The following WDR48 variants were observed in gnomAD, a reference collection of about 807,000 sequenced individuals.
WDR48 encodes the protein WD repeat-containing protein 48.
WDR48 carries 22 observed loss-of-function variants against 94.0 expected under a neutral mutation model. The ratio of observed to expected loss-of-function variants is 0.23; its 90% CI spans 0.17 to 0.33. The LOEUF (loss-of-function observed/expected upper bound fraction) is 0.33. Among genes scored for constraint, WDR48 ranks in the 10% least tolerant of loss-of-function variants. The pLI is 1.00. For synonymous variants in WDR48, 278 were observed against 280.5 expected (o/e 0.99, Z 0.09); for missense variants, 541 against 813.8 (o/e 0.66, Z 4.08).
chr3:39,064,481 G>T (rs1288993546), intron 2 of WDR48, among the ~76,000 whole-genome samples: 2 of 152,054 alleles, frequency 1.3e-5, no homozygotes, highest in African/African-American at 2.4e-5. Context: ...CACCATGTGG[G>T]TCAGGCTGGT....
chr3:39,081,109 A>G (rs2034512753), intron 11 of WDR48, among the ~76,000 whole-genome samples: 2 of 152,222 alleles, frequency 1.3e-5, no homozygotes, highest in Admixed American at 1.3e-4. Flanking sequence ...ATGATTGGAG[A>G]TCTAAAGGAA....
chr3:39,073,578 C>T (rs1450148256), intron 7 of WDR48, among the ~76,000 whole-genome samples: 3 of 152,126 alleles, frequency 2.0e-5, no homozygotes, highest in Non-Finnish European at 4.4e-5. Context: ...CATTCTTTTT[C>T]CTAAGGAAAT....
At chr3:39,059,062 G>GCA in intron 1 of WDR48, among the ~76,000 whole-genome samples, 1 of 132,332 alleles carries the variant, frequency 7.6e-6, no homozygotes, top group African/African-American at 3.0e-5. Context: ...GCGATACAGT[G>GCA]AGACTCCGTC....
At chr3:39,065,111 C>G (rs186513289) in intron 2 of WDR48, among the ~76,000 whole-genome samples, 1 of 152,254 alleles carries the variant, frequency 6.6e-6, no homozygotes, top group East Asian at 1.9e-4. Context: ...CTCAAACTTG[C>G]CTGTTTTAGG....
rs922676505 is a variant in WDR48, at chr3:39,073,301, G to C, written c.673-1425G>C. Among the ~76,000 whole-genome samples, 61 of 152,122 alleles carry C rather than the reference G, an allele frequency of 4.0e-4. 1 individual carries two copies. Among genetic ancestry groups the C allele is most frequent in the Admixed American group, 3.7e-3 (56 of 15,276 alleles). On this transcript the variant is annotated intron_variant, in intron 7 of 18. Transcript: ENST00000302313. ...TATTGGTTAGTTTCTTGGTTCCCTT[G>C]TAAACTAGCTGGAATAGGTTATTAA...
chr3:39,082,527 G>T (rs953780470), intron 11 of WDR48, among the ~76,000 whole-genome samples: 2 of 152,042 alleles, frequency 1.3e-5, no homozygotes, highest in African/African-American at 4.8e-5. Flanking sequence ...TGATCTGCCC[G>T]TCTTGGCCTC....
In WDR48 at chr3:39,088,294, C is replaced by T. The variant is rs72859557; in HGVS notation, c.1580+61C>T. On this transcript the variant is annotated intron_variant, in intron 15 of 18. Coordinates refer to ENST00000302313, the MANE Select transcript of WDR48 (RefSeq NM_020839.4). ...AGGTATCCCATTTGCTAAGAAGTGT[C>T]GACTCAAACTCAGTATTTCGATATT... 5,749 of 1,485,608 alleles carry T rather than the reference C, an allele frequency of 3.9e-3. 166 individuals carry two copies. The African/African-American group carries it at 0.069, about 18-fold the overall frequency. 92.0% of individuals were successfully genotyped at this position (1,485,608 alleles called of 1,614,324 possible). A position where few individuals can be genotyped will look rare whatever the true frequency, so the allele number is the denominator to read the frequency against.
At chr3:39,053,174 G>T (rs941399751) in intron 1 of WDR48, among the ~76,000 whole-genome samples, 1 of 152,208 alleles carries the variant, frequency 6.6e-6, no homozygotes, top group Admixed American at 6.5e-5. Context: ...ACTTAGGGTG[G>T]CCCCCAAAGG....
At position 39,095,034 on chromosome 3, in the gene WDR48, G is replaced by C. The variant is rs1041395067; in HGVS notation, c.*291G>C. 1.4e-5 allele frequency: 6 copies of C among 416,228 alleles called. No homozygotes were observed. The highest frequency in any genetic ancestry group is 4.1e-5 in the Admixed American group (1 of 24,444). The allele number at this position is 416,228 out of a possible 1,614,324, so 25.8% of individuals were successfully genotyped here. On this transcript the variant is annotated 3_prime_UTR_variant, in exon 19 of 19. Coordinates refer to ENST00000302313, the MANE Select transcript of WDR48 (RefSeq NM_020839.4). ...CTGACAACAGGCCAGTGCAGACTTT[G>C]CTTCCTCCTTTTGTTTCAAAGGACC...
intron 11 of WDR48, among the ~76,000 whole-genome samples, chr3:39,080,692 A>G (rs1435053840): frequency 6.6e-6 from 1 of 152,224 alleles, no homozygotes; most frequent in African/African-American, 2.4e-5. Context: ...AGATTTCAGG[A>G]TAGCTTATGG....
chr3:39,063,437 C>A (rs1034512590), intron 2 of WDR48, among the ~76,000 whole-genome samples: 1 of 152,112 alleles, frequency 6.6e-6, no homozygotes, highest in African/African-American at 2.4e-5. Context: ...AGTTCTTTGC[C>A]ACAAAGGAAC....
intron 7 of WDR48, 62 bp from the exon 8 acceptor site, chr3:39,074,664 G>A: frequency 6.6e-7 from 1 of 1,523,750 alleles, no homozygotes; most frequent in East Asian, 2.3e-5. Flanking sequence ...GAAGTCAAGT[G>A]CAAAGCACAA....
intron 1 of WDR48, among the ~76,000 whole-genome samples, chr3:39,062,526 C>T (rs2033330035): frequency 6.6e-6 from 1 of 152,126 alleles, no homozygotes; most frequent in South Asian, 2.1e-4. Context: ...TAAATGGAAA[C>T]CTGAAGGCTG....
chr3:39,065,764 A>T, intron 2 of WDR48, 47 bp from the exon 3 acceptor site: 2 of 1,217,308 alleles, frequency 1.6e-6, no homozygotes, highest in Non-Finnish European at 2.4e-6. Flanking sequence ...TTTGTAATAT[A>T]TTTCATTCTC....
chr3:39,071,576 A>C (rs556642766), intron 7 of WDR48, among the ~76,000 whole-genome samples: 15 of 152,340 alleles, frequency 9.8e-5, no homozygotes, highest in Non-Finnish European at 1.9e-4. Flanking sequence ...AAGATGATTT[A>C]AGTATCACGT....
At chr3:39,089,803 G>A (rs963550404) in intron 16 of WDR48, 2 of 151,722 alleles carry the variant, frequency 1.3e-5, no homozygotes, top group Non-Finnish European at 2.9e-5. Context: ...TTTCATGTCT[G>A]TACATCTTTT....
chr3:39,066,494 T>A (rs35240745), intron 3 of WDR48, 54 bp from the exon 4 acceptor site: 31,721 of 1,469,486 alleles, frequency 0.022, 964 homozygotes, highest in East Asian at 0.15. Context: ...AGATAAGTTT[T>A]CAAAGTTTTA....
chr3:39,059,570 A>G (rs1409306653), intron 1 of WDR48, among the ~76,000 whole-genome samples: 1 of 152,190 alleles, frequency 6.6e-6, no homozygotes, highest in Non-Finnish European at 1.5e-5. Flanking sequence ...CTCTGTTAAG[A>G]TATCCTTGTG....
Position 39,085,005 on chromosome 3 carries a change from A to C in WDR48, c.1378+264A>C, listed in dbSNP as rs2034736233. On this transcript the variant is annotated intron_variant, in intron 13 of 18. Transcript: ENST00000302313. Reference sequence around the variant, plus strand: ...CACTTTGGGAGGCCGAGGCGGGTGGATCACGAGGTCAGGGGATCGAGACCA... The same window carrying C: ...CACTTTGGGAGGCCGAGGCGGGTGGCTCACGAGGTCAGGGGATCGAGACCA... Among the ~76,000 whole-genome samples, 8 of 152,348 alleles carry C rather than the reference A, an allele frequency of 5.3e-5. No homozygotes were observed. In the South Asian group the frequency reaches 1.7e-3, roughly 32 times the overall value.
Sources: gnomAD v4.1 joint callset for allele counts (sites outside exome capture counted in the v4.1 genomes callset) on GRCh38, gnomAD v4.1.1 for gene constraint, MANE v1.5 for transcripts, NCBI Gene and HGNC (gene_info 2026-07-23, HGNC 2026-07-21) for gene names.